The following FHIT variants were observed in gnomAD, a reference collection of about 807,000 sequenced individuals.
FHIT encodes the protein bis(5'-adenosyl)-triphosphatase.
Under a neutral mutation model 17.9 loss-of-function variants are expected in FHIT, and 19 were observed. The observed-to-expected ratio is 1.06, with a 90% CI of 0.74 to 1.56. The LOEUF is 1.56. Ranked by LOEUF, FHIT falls within the 40% of genes most tolerant of loss-of-function variation. The pLI, the probability that FHIT is intolerant of heterozygous loss-of-function variation, is 0.00. For missense variants in FHIT, 248 were observed against 189.2 expected, an observed-to-expected ratio of 1.31 and a Z score of -1.82; for synonymous variants, 81 against 69.7, an observed-to-expected ratio of 1.16 and a Z score of -0.81.
chr3:60,636,070 A>ATTTTT lies in FHIT; in HGVS notation c.-17-99096_-17-99092dup, dbSNP rs3037240. ...AGAATCAATTAAGCTTTGTACAATG[A>ATTTTT]TTTTTTTTTTTTGAGACAGAGTCTT... On this transcript the variant is annotated intron_variant, in intron 4 of 9. Transcript: ENST00000492590. Among the ~76,000 whole-genome samples the ATTTTT allele has an allele frequency of 1.1e-3, 166 of 147,006 alleles. 3 individuals are homozygous for ATTTTT. Among genetic ancestry groups the ATTTTT allele is most frequent in the Middle Eastern group, 3.5e-3 (1 of 284 alleles).
intron 5 of FHIT, among the ~76,000 whole-genome samples, chr3:60,473,556 C>T (rs1044742821): frequency 2.6e-5 from 4 of 152,146 alleles, no homozygotes; most frequent in Admixed American, 2.0e-4. Context: ...ATAGGGCTAA[C>T]TACAAAGGTG....
At chr3:60,547,642 T>G (rs2036411350) in intron 4 of FHIT, among the ~76,000 whole-genome samples, 1 of 152,176 alleles carries the variant, frequency 6.6e-6, no homozygotes, top group Non-Finnish European at 1.5e-5. Flanking sequence ...CCTCTCTACC[T>G]CCTATAAACT....
At position 60,396,379 on chromosome 3, in the gene FHIT, G is replaced by A. The variant is rs139774053; in HGVS notation, c.103+140481C>T. 6.1e-3 allele frequency among the ~76,000 whole-genome samples: 934 copies of A among 152,188 alleles called. 14 individuals are homozygous for A. Among genetic ancestry groups the A allele is most frequent in the African/African-American group, 0.022 (898 of 41,506 alleles). On this transcript the variant is annotated intron_variant, in intron 5 of 9. Coordinates refer to ENST00000492590, the MANE Select transcript of FHIT (RefSeq NM_002012.4). ...CTTGTTTTCTGATAAGTTTATGAGC[G>A]AGTGACAAAAAGGAAAATCTTTCTT...
chr3:61,127,137 T>G (rs1441947465), intron 2 of FHIT, among the ~76,000 whole-genome samples: 1 of 152,164 alleles, frequency 6.6e-6, no homozygotes, highest in East Asian at 1.9e-4. Context: ...TGTAACAGAA[T>G]CATTTGACTT....
At chr3:60,468,122 G>T (rs1157257948) in intron 5 of FHIT, among the ~76,000 whole-genome samples, 1 of 151,782 alleles carries the variant, frequency 6.6e-6, no homozygotes, top group Non-Finnish European at 1.5e-5. Context: ...TGCTCTTTTT[G>T]GTTTCTATTT....
At chr3:60,467,923 T>C (rs1447642767) in intron 5 of FHIT, among the ~76,000 whole-genome samples, 2 of 152,064 alleles carry the variant, frequency 1.3e-5, no homozygotes, top group African/African-American at 4.8e-5. Flanking sequence ...CAGCTATTAT[T>C]GTATTGGGGT....
At chr3:60,890,661 G>GATT (rs1288996666) in intron 3 of FHIT, among the ~76,000 whole-genome samples, 1 of 152,158 alleles carries the variant, frequency 6.6e-6, no homozygotes, top group Non-Finnish European at 1.5e-5. Context: ...GAATGCCTAG[G>GATT]AGCAGCTTTT....
At chr3:60,842,905 G>T (rs1038892627) in intron 3 of FHIT, among the ~76,000 whole-genome samples, 2 of 151,890 alleles carry the variant, frequency 1.3e-5, no homozygotes, top group African/African-American at 4.8e-5. Context: ...ATTGTCAGGG[G>T]TGCTATTAAG....
At chr3:61,086,162 C>G (rs1260382326) in intron 2 of FHIT, among the ~76,000 whole-genome samples, 1 of 152,120 alleles carries the variant, frequency 6.6e-6, no homozygotes, top group Non-Finnish European at 1.5e-5. Flanking sequence ...AGAACAGTCA[C>G]CCTTTTCTCA....
In FHIT at chr3:60,128,201, A is replaced by C. The variant is rs577945829; in HGVS notation, c.104-114049T>G. ...TATGGTTTGGCTGTGTTCCCACTGA[A>C]ATCTCATCTTGAATTGTAGTTCCCA... On this transcript the variant is annotated intron_variant, in intron 5 of 9. Coordinates refer to ENST00000492590, the MANE Select transcript of FHIT (RefSeq NM_002012.4). Among the ~76,000 whole-genome samples, 3 of 152,298 alleles carry C rather than the reference A, an allele frequency of 2.0e-5. No individual in the cohort carries two copies. In the East Asian group the frequency reaches 5.8e-4, roughly 29 times the overall value.
rs199878724 is a variant in FHIT, at chr3:59,801,613, T to TAAAC, written c.349-49296_349-49293dup. On this transcript the variant is annotated intron_variant, in intron 8 of 9. Coordinates refer to ENST00000492590, the MANE Select transcript of FHIT (RefSeq NM_002012.4). ...AATGAAGCCTAAGCCTAAATTTTAT[T>TAAAC]AAACAGCAGGGTGACCCAATGCTCT... 6.0e-3 allele frequency among the ~76,000 whole-genome samples: 908 copies of TAAAC among 152,204 alleles called. 9 individuals are homozygous for TAAAC. The highest frequency in any genetic ancestry group is 0.02 in the African/African-American group (830 of 41,510).
chr3:60,841,879 A>G (rs781784968), intron 3 of FHIT, among the ~76,000 whole-genome samples: 2 of 152,198 alleles, frequency 1.3e-5, no homozygotes, highest in African/African-American at 2.4e-5. Context: ...AAAATTTCTG[A>G]TATTTCCATA....
rs146948671 is a variant in FHIT, at chr3:60,352,731, T to C, written c.103+184129A>G. Among the ~76,000 whole-genome samples, 31 of 152,246 alleles carry C rather than the reference T, an allele frequency of 2.0e-4. No individual in the cohort carries two copies. The East Asian group carries it at 5.8e-3, about 28-fold the overall frequency. ...TCTTGCTATGTTGCCTAGGCTGATC[T>C]CAAACTCCTAGCTTCAAGTGATCCT... On this transcript the variant is annotated intron_variant, in intron 5 of 9. Coordinates refer to ENST00000492590, the MANE Select transcript of FHIT (RefSeq NM_002012.4).
At chr3:60,050,138 TTAG>T (rs1281006572) in intron 5 of FHIT, among the ~76,000 whole-genome samples, 5 of 152,196 alleles carry the variant, frequency 3.3e-5, no homozygotes, top group African/African-American at 4.8e-5. Flanking sequence ...TATTTACCAA[TTAG>T]TAGAAGTAAA....
At chr3:60,011,270 AC>A in intron 7 of FHIT, 100 bp downstream of exon 7, 2 of 1,103,928 alleles carry the variant, frequency 1.8e-6, no homozygotes. Flanking sequence ...CTCGAAGATA[AC>A]ATAATGAAAC....
intron 8 of FHIT, among the ~76,000 whole-genome samples, chr3:59,902,032 T>C (rs1402368456): frequency 6.6e-6 from 1 of 152,144 alleles, no homozygotes; most frequent in Non-Finnish European, 1.5e-5. Flanking sequence ...GAGAGCATAT[T>C]TGGAAACCAT....
chr3:60,246,085 T>G (rs1419938365), intron 5 of FHIT, among the ~76,000 whole-genome samples: 1 of 152,102 alleles, frequency 6.6e-6, no homozygotes, highest in African/African-American at 2.4e-5. Flanking sequence ...ACCCTGGCTG[T>G]GCTTTAGGAA....
At chr3:60,802,473 CA>C (rs1701226355) in intron 4 of FHIT, among the ~76,000 whole-genome samples, 1 of 152,062 alleles carries the variant, frequency 6.6e-6, no homozygotes, top group African/African-American at 2.4e-5. Flanking sequence ...TGGCAAGACC[CA>C]AAATATTAAA....
At chr3:59,783,001 G>A (rs2106888769) in intron 8 of FHIT, among the ~76,000 whole-genome samples, 1 of 152,180 alleles carries the variant, frequency 6.6e-6, no homozygotes, top group African/African-American at 2.4e-5. Flanking sequence ...TCACCTCAAA[G>A]TCTCTGCTAT....
Sources: gnomAD v4.1 joint callset for allele counts (sites outside exome capture counted in the v4.1 genomes callset) on GRCh38, gnomAD v4.1.1 for gene constraint, MANE v1.5 for transcripts, NCBI Gene and HGNC (gene_info 2026-07-23, HGNC 2026-07-21) for gene names.